Variants in FRY observed in about 807,000 individuals in gnomAD.
FRY encodes the protein protein furry homolog.
In FRY, 128 loss-of-function variants were observed where a neutral mutation model predicts 348.4. That is an observed-to-expected ratio of 0.37 (90% CI 0.32 to 0.43). FRY has a LOEUF of 0.43. FRY is among the 20% of genes least tolerant of loss of function. The pLI, the probability that FRY is intolerant of heterozygous loss-of-function variation, is 1.00. For synonymous variants in FRY, 1,370 were observed against 1,374.7 expected, an observed-to-expected ratio of 1.00 and a Z score of 0.08; for missense variants, 2,736 against 3,695.2, an observed-to-expected ratio of 0.74 and a Z score of 6.73.
At chr13:32,097,122 G>T (rs566623187) in intron 2 of FRY, among the ~76,000 whole-genome samples, 1 of 152,098 alleles carries the variant, frequency 6.6e-6, no homozygotes, top group Admixed American at 6.5e-5. Context: ...GATGTGGGTG[G>T]ACACAGTCAC....
chr13:32,096,802 C>CAAA (rs10680393), intron 2 of FRY, among the ~76,000 whole-genome samples: 29,797 of 77,526 alleles, frequency 0.38, 6,821 homozygotes, highest in South Asian at 0.52. Flanking sequence ...GACTCTGTCT[C>CAAA]AAAAAAAAAA....
rs1445600791 is a variant in FRY at position 32,198,710 on chromosome 13, A to G, written c.3747-3231A>G. On this transcript the variant is annotated intron_variant, in intron 29 of 60. Coordinates refer to ENST00000542859, the MANE Select transcript of FRY (RefSeq NM_023037.3). The stretch of plus-strand genomic sequence containing the variant: ...TAACATCAGTGTCACCCATCATTCA[A>G]CATCATTCTTGCACTCATCATCATC... Among the ~76,000 whole-genome samples, 6 of 152,326 alleles carry G rather than the reference A, an allele frequency of 3.9e-5. No homozygotes were observed. In the East Asian group the frequency reaches 1.2e-3, roughly 29 times the overall value.
chr13:32,090,612 T>C (rs1486930568), intron 2 of FRY, among the ~76,000 whole-genome samples: 1 of 152,006 alleles, frequency 6.6e-6, no homozygotes, highest in African/African-American at 2.4e-5. Flanking sequence ...GAGGGGTATA[T>C]TGGGACAAAT....
At chr13:32,274,242 A>G (rs1888367544) in intron 55 of FRY, among the ~76,000 whole-genome samples, 1 of 152,184 alleles carries the variant, frequency 6.6e-6, no homozygotes, top group Non-Finnish European at 1.5e-5. Context: ...TTCCATTAAT[A>G]ATCGTGTATG....
intron 7 of FRY, 41 bp from the exon 8 acceptor site, chr13:32,131,631 C>G: frequency 6.6e-7 from 1 of 1,511,696 alleles, no homozygotes; most frequent in Non-Finnish European, 9.2e-7. Context: ...CAGGGACTTT[C>G]CTACCCAATA....
intron 19 of FRY, among the ~76,000 whole-genome samples, chr13:32,174,032 A>G (rs1882241158): frequency 1.3e-5 from 2 of 152,242 alleles, no homozygotes; most frequent in African/African-American, 4.8e-5. Flanking sequence ...GAAGCCAGTT[A>G]TTAAGCATGA....
chr13:32,129,525 A>G (rs1879222058), intron 7 of FRY, among the ~76,000 whole-genome samples: 1 of 152,226 alleles, frequency 6.6e-6, no homozygotes, highest in African/African-American at 2.4e-5. Flanking sequence ...ATATTCTAAT[A>G]GTATTATTTA....
At chr13:32,216,857 G>A (rs1885020911) in intron 35 of FRY, among the ~76,000 whole-genome samples, 1 of 152,218 alleles carries the variant, frequency 6.6e-6, no homozygotes, top group Non-Finnish European at 1.5e-5. Flanking sequence ...TAACAGTGAA[G>A]AAGGTTTGAG....
rs568514541 is a variant in FRY at position 32,123,564 on chromosome 13, T to G, written c.465-722T>G. Among the ~76,000 whole-genome samples the G allele has an allele frequency of 3.3e-4, 51 of 152,332 alleles. 3 individuals carry two copies. The South Asian group carries it at 9.9e-3, about 30-fold the overall frequency. ...ATCATATTATTTCCTTCTTGTTTCC[T>G]TACATTGTTTAGCTCCTTTCACGAG... On this transcript the variant is annotated intron_variant, in intron 4 of 60. Coordinates refer to ENST00000542859, the MANE Select transcript of FRY (RefSeq NM_023037.3).
At chr13:32,278,111 AGGAAGTATT>A (rs1277574313) in intron 57 of FRY, among the ~76,000 whole-genome samples, 1 of 152,242 alleles carries the variant, frequency 6.6e-6, no homozygotes, top group African/African-American at 2.4e-5. Flanking sequence ...CCAGCCTGTG[AGGAAGTATT>A]GGTCCTGTCT....
intron 31 of FRY, among the ~76,000 whole-genome samples, chr13:32,204,746 T>G (rs1032668884): frequency 6.6e-6 from 1 of 152,224 alleles, no homozygotes; most frequent in Non-Finnish European, 1.5e-5. Flanking sequence ...TAAAAGCCTT[T>G]TTAGTAAATT....
intron 14 of FRY, among the ~76,000 whole-genome samples, chr13:32,154,685 C>T (rs994585040): frequency 3.9e-5 from 6 of 152,194 alleles, no homozygotes; most frequent in Non-Finnish European, 7.3e-5. Flanking sequence ...TCCTAGTAAT[C>T]GTCATTATTT....
intron 28 of FRY, among the ~76,000 whole-genome samples, chr13:32,191,291 C>A (rs1035256708): frequency 6.6e-6 from 1 of 152,124 alleles, no homozygotes; most frequent in African/African-American, 2.4e-5. Flanking sequence ...AAATTACTAA[C>A]CCTGAGGAAG....
chr13:32,174,001 G>A (rs945721178), intron 19 of FRY, among the ~76,000 whole-genome samples: 5 of 152,114 alleles, frequency 3.3e-5, no homozygotes, highest in Non-Finnish European at 7.4e-5. Flanking sequence ...CAAAAAACAC[G>A]TCCTCTTGAA....
At chr13:32,051,011 T>G (rs1305824653) in intron 1 of FRY, among the ~76,000 whole-genome samples, 1 of 152,118 alleles carries the variant, frequency 6.6e-6, no homozygotes, top group African/African-American at 2.4e-5. Context: ...AAAGCAACAA[T>G]GAGGATTATT....
At chr13:32,293,857 T>C (rs1022917420) in intron 59 of FRY, among the ~76,000 whole-genome samples, 5 of 152,256 alleles carry the variant, frequency 3.3e-5, no homozygotes, top group African/African-American at 7.2e-5. Flanking sequence ...ATTACATTAA[T>C]TGAGCACTTA....
At chr13:32,048,321 T>G (rs1307845408) in intron 1 of FRY, among the ~76,000 whole-genome samples, 2 of 152,190 alleles carry the variant, frequency 1.3e-5, no homozygotes, top group East Asian at 3.9e-4. Flanking sequence ...CAGCATCTAA[T>G]CTTAGCTCTG....
At chr13:32,174,666 G>A (rs909486280) in intron 19 of FRY, among the ~76,000 whole-genome samples, 7 of 152,052 alleles carry the variant, frequency 4.6e-5, no homozygotes, top group Non-Finnish European at 1.0e-4. Flanking sequence ...CACTTCTTAA[G>A]TGCTAATCCA....
chr13:32,202,111 C>G (rs1884063557), intron 30 of FRY, 71 bp downstream of exon 30: 1 of 982,078 alleles, frequency 1.0e-6, no homozygotes, highest in African/African-American at 1.6e-5. Context: ...AGTTGATTAC[C>G]TAATAGCTGT....
Sources: gnomAD v4.1 joint callset for allele counts (sites outside exome capture counted in the v4.1 genomes callset) on GRCh38, gnomAD v4.1.1 for gene constraint, MANE v1.5 for transcripts, NCBI Gene and HGNC (gene_info 2026-07-23, HGNC 2026-07-21) for gene names.